The following TIFAB variants were observed in gnomAD, a reference collection of about 807,000 sequenced individuals.
The protein encoded by TIFAB is TRAF-interacting protein with FHA domain-containing protein B.
For synonymous variants in TIFAB, 116 were observed against 95.2 expected (o/e 1.22, Z -1.27); for missense variants, 222 against 203.6 (o/e 1.09, Z -0.55).
At position 135,448,436 on chromosome 5, in the gene TIFAB, C is replaced by G. The variant is rs907526075; in HGVS notation, c.*1018G>C. The G allele has an allele frequency of 6.6e-6, 1 of 152,138 alleles. No individual in the cohort carries two copies. Among genetic ancestry groups the G allele is most frequent in the African/African-American group, 2.4e-5 (1 of 41,358 alleles). The allele number at this position is 152,138 out of a possible 1,614,324, so 9.4% of individuals were successfully genotyped here. On this transcript the variant is annotated 3_prime_UTR_variant, in exon 2 of 2. Coordinates refer to ENST00000537858, the MANE Select transcript of TIFAB (RefSeq NM_001099221.2). ...TGCCCTTGTTCACCGAGAAAATCCT[C>G]CTGCCCTTGGCGTACCTGGCTCCTA...
At position 135,447,161 on chromosome 5, in the gene TIFAB, C is replaced by T; in HGVS notation, c.*2293G>A. ...AGATCACTGCTGCTTTTCATCAGAC[C>T]AAAATACATGTGGCTTCTTCTCCTT... On this transcript the variant is annotated 3_prime_UTR_variant, in exon 2 of 2. Transcript: ENST00000537858. 2 of 1,610,378 alleles carry T rather than the reference C, an allele frequency of 1.2e-6. No individual in the cohort carries two copies. Among genetic ancestry groups the T allele is most frequent in the Non-Finnish European group, 1.7e-6 (2 of 1,177,394 alleles).
In TIFAB at chr5:135,446,619, G is replaced by A. The variant is rs887007106; in HGVS notation, c.*2835C>T. The A allele has an allele frequency of 6.2e-7, 1 of 1,613,934 alleles. No individual in the cohort carries two copies. ...AAAAATGAAGTCTCGGATGGGCAGAGCTTAACTGCCTTAAAAACTTGGTAC... is the reference window on the plus strand; with the variant it reads ...AAAAATGAAGTCTCGGATGGGCAGAACTTAACTGCCTTAAAAACTTGGTAC... On this transcript the variant is annotated 3_prime_UTR_variant, in exon 2 of 2. Transcript: ENST00000537858.
intron 1 of TIFAB, among the ~76,000 whole-genome samples, chr5:135,451,489 T>A (rs1166916974): frequency 1.3e-5 from 2 of 151,148 alleles, no homozygotes; most frequent in African/African-American, 2.4e-5. Context: ...TTTTTTCTTT[T>A]TTTTTTTTTT....
intron 1 of TIFAB, among the ~76,000 whole-genome samples, chr5:135,451,181 C>T (rs1769356988): frequency 6.6e-6 from 1 of 151,548 alleles, no homozygotes; most frequent in Admixed American, 6.7e-5. Flanking sequence ...AATGAGAAGC[C>T]CACACACACA....
At chr5:135,451,254 A>C (rs886855632) in intron 1 of TIFAB, among the ~76,000 whole-genome samples, 9 of 152,190 alleles carry the variant, frequency 5.9e-5, no homozygotes, top group African/African-American at 2.2e-4. Flanking sequence ...TGGGACAGCG[A>C]GCCTGTTGCA....
In TIFAB at chr5:135,446,546, G is replaced by T. The variant is rs866170290; in HGVS notation, c.*2908C>A. The T allele has an allele frequency of 6.2e-7, 1 of 1,614,026 alleles. No homozygotes were observed. Among genetic ancestry groups the T allele is most frequent in the Non-Finnish European group, 8.5e-7 (1 of 1,179,896 alleles). ...ACGGTTCCAGCTGTTAGGAGAAAGT[G>T]AAGGTGGGTGCCATGGATCTGATGA... On this transcript the variant is annotated 3_prime_UTR_variant, in exon 2 of 2. Coordinates refer to ENST00000537858, the MANE Select transcript of TIFAB (RefSeq NM_001099221.2).
rs377116394 is a variant in TIFAB, at chr5:135,446,983, G to A, written c.*2471C>T. The A allele has an allele frequency of 4.3e-6, 7 of 1,613,210 alleles. No individual in the cohort carries two copies. In the South Asian group the frequency reaches 5.5e-5, roughly 13 times the overall value. ...TCCCAAAGTTCTCTGGTGGAGCTGG[G>A]GAGTGGCACCCTGGGAACTCTGGGG... On this transcript the variant is annotated 3_prime_UTR_variant, in exon 2 of 2. Transcript: ENST00000537858.
Position 135,446,745 on chromosome 5 carries a change from G to T in TIFAB, c.*2709C>A, listed in dbSNP as rs764087048. The T allele has an allele frequency of 4.3e-6, 7 of 1,613,946 alleles. No homozygotes were observed. Among genetic ancestry groups the T allele is most frequent in the Non-Finnish European group, 1.7e-6 (2 of 1,179,858 alleles). Reference sequence around the variant, plus strand: ...TTCCGGGCTCCCTCCCGCCTGGTCTGGCCTGTCTTCCTTCTGCTGCTATGC... The same window carrying T: ...TTCCGGGCTCCCTCCCGCCTGGTCTTGCCTGTCTTCCTTCTGCTGCTATGC... On this transcript the variant is annotated 3_prime_UTR_variant, in exon 2 of 2. Transcript: ENST00000537858.
At position 135,446,464 on chromosome 5, in the gene TIFAB, T is replaced by G; in HGVS notation, c.*2990A>C. 6.2e-7 allele frequency: 1 copy of G among 1,613,894 alleles called. No individual in the cohort carries two copies. Among genetic ancestry groups the G allele is most frequent in the Non-Finnish European group, 8.5e-7 (1 of 1,179,796 alleles). ...AACTCACCCGCCTGCTCTGGCTGTC[T>G]GAGCAGGTGAGGGATAGTGATATCA... On this transcript the variant is annotated 3_prime_UTR_variant, in exon 2 of 2. Coordinates refer to ENST00000537858, the MANE Select transcript of TIFAB (RefSeq NM_001099221.2).
rs760625228 is a variant in TIFAB, at chr5:135,446,890, G to T, written c.*2564C>A. 4.0e-5 allele frequency: 65 copies of T among 1,613,718 alleles called. 1 individual carries two copies. The Admixed American group carries it at 1.0e-3, about 26-fold the overall frequency. On this transcript the variant is annotated 3_prime_UTR_variant, in exon 2 of 2. Transcript: ENST00000537858. Reference sequence around the variant, plus strand: ...GCAGGACCCCAGCTGGCAAGGTTTTGTTCCTCCCTGGAGGGTAGAGACCCT... The same window carrying T: ...GCAGGACCCCAGCTGGCAAGGTTTTTTTCCTCCCTGGAGGGTAGAGACCCT...
chr5:135,451,424 C>A (rs1229800494), intron 1 of TIFAB, among the ~76,000 whole-genome samples: 1 of 152,050 alleles, frequency 6.6e-6, no homozygotes, highest in Non-Finnish European at 1.5e-5. Context: ...GGCACAGACA[C>A]ACATATGCCT....
At position 135,446,209 on chromosome 5, in the gene TIFAB, T is replaced by C. The variant is rs768158734; in HGVS notation, c.*3245A>G. On this transcript the variant is annotated 3_prime_UTR_variant, in exon 2 of 2. Transcript: ENST00000537858. ...TGTGGCACGGAGAGATTCAGTTACT[T>C]GTCCAGGATCACAGAACTATAGTAA... 3.1e-5 allele frequency: 25 copies of C among 816,896 alleles called. No individual in the cohort carries two copies. Among genetic ancestry groups the C allele is most frequent in the Non-Finnish European group, 4.7e-5 (25 of 530,834 alleles). The allele number at this position is 816,896 out of a possible 1,614,324, so 50.6% of individuals were successfully genotyped here.
chr5:135,446,317 A>G lies in TIFAB; in HGVS notation c.*3137T>C, dbSNP rs1580654165. The G allele has an allele frequency of 1.3e-6, 2 of 1,535,074 alleles. No homozygotes were observed. The highest frequency in any genetic ancestry group is 4.5e-5 in the East Asian group (2 of 44,088). ...TGGGAGCAGCGTTCATGTGCACTGT[A>G]TGTTCGTGTTTAGTGTATGTCTGTG... is the stretch of plus-strand genomic sequence containing the variant. On this transcript the variant is annotated 3_prime_UTR_variant, in exon 2 of 2. Transcript: ENST00000537858.
rs1481376902 is a variant in TIFAB at position 135,446,539 on chromosome 5, A to G, written c.*2915T>C. ...CAGCCTGACGGTTCCAGCTGTTAGGAGAAAGTGAAGGTGGGTGCCATGGAT... is the reference window on the plus strand; with the variant it reads ...CAGCCTGACGGTTCCAGCTGTTAGGGGAAAGTGAAGGTGGGTGCCATGGAT... On this transcript the variant is annotated 3_prime_UTR_variant, in exon 2 of 2. Transcript: ENST00000537858. 1 of 1,613,960 alleles carries G rather than the reference A, an allele frequency of 6.2e-7. No homozygotes were observed. Among genetic ancestry groups the G allele is most frequent in the Middle Eastern group, 1.6e-4 (1 of 6,062 alleles).
Position 135,447,236 on chromosome 5 carries a change from C to G in TIFAB, c.*2218G>C, listed in dbSNP as rs572234380. The G allele has an allele frequency of 3.5e-6, 4 of 1,139,054 alleles. No individual in the cohort carries two copies. In the African/African-American group the frequency reaches 6.2e-5, roughly 18 times the overall value. The allele number at this position is 1,139,054 out of a possible 1,614,324, so 70.6% of individuals were successfully genotyped here. A position where few individuals can be genotyped will look rare whatever the true frequency, so the allele number is the denominator to read the frequency against. On this transcript the variant is annotated 3_prime_UTR_variant, in exon 2 of 2. Transcript: ENST00000537858. ...ATTATACTAACCCTGCCTATTGGAC[C>G]TTCTGATGCAAGGAGCAGATTAAAA...
chr5:135,451,196 G>A (rs1580657271), intron 1 of TIFAB, among the ~76,000 whole-genome samples: 1 of 152,202 alleles, frequency 6.6e-6, no homozygotes, highest in South Asian at 2.1e-4. Flanking sequence ...CACACACATG[G>A]TGAAATCACC....
chr5:135,449,659 A>G lies in TIFAB; in HGVS notation c.281T>C (p.Leu94Pro). 6.2e-7 allele frequency: 1 copy of G among 1,614,166 alleles called. No homozygotes were observed. The highest frequency in any genetic ancestry group is 8.5e-7 in the Non-Finnish European group (1 of 1,180,036). The change falls in exon 2 of 2, where the codon CTG becomes CCG. Residue 94 changes from leucine (L) to proline (P), a missense_variant. Physicochemically the swap from Leu to Pro is moderately conservative, Grantham distance 98. Coordinates refer to ENST00000537858, the MANE Select transcript of TIFAB (RefSeq NM_001099221.2). The stretch of plus-strand genomic sequence containing the variant: ...GACGGTGCTCAGGGGGACCTGCTCC[A>G]GGTACCTCAGCGTCAGCCCATTGAC... ...VWVNGLTLRY[L>P]EQVPLSTVNR...
chr5:135,445,564 C>T lies in TIFAB; in HGVS notation c.*3890G>A, dbSNP rs907441238. On this transcript the variant is annotated 3_prime_UTR_variant, in exon 2 of 2. Transcript: ENST00000537858. ...TGCTGCCTTGACCACCAGAGCCCCC[C>T]CGTCTGTGCATCTGTCCTCTGTTCA... 2 of 152,522 alleles carry T rather than the reference C, an allele frequency of 1.3e-5. No homozygotes were observed. Among genetic ancestry groups the T allele is most frequent in the African/African-American group, 2.4e-5 (1 of 41,470 alleles). The allele number at this position is 152,522 out of a possible 1,614,324, so 9.4% of individuals were successfully genotyped here.
chr5:135,447,314 G>A lies in TIFAB; in HGVS notation c.*2140C>T, dbSNP rs1447254706. 3 of 641,390 alleles carry A rather than the reference G, an allele frequency of 4.7e-6. No individual in the cohort carries two copies. Among genetic ancestry groups the A allele is most frequent in the African/African-American group, 1.8e-5 (1 of 54,256 alleles). 39.7% of individuals were successfully genotyped at this position (641,390 alleles called of 1,614,324 possible). A position where few individuals can be genotyped will look rare whatever the true frequency, so the allele number is the denominator to read the frequency against. The stretch of plus-strand genomic sequence containing the variant: ...TGGCTACAACTAAATCCCTAGTTGG[G>A]GAATCACAGAGCACAGGTAAGCCCT... On this transcript the variant is annotated 3_prime_UTR_variant, in exon 2 of 2. Coordinates refer to ENST00000537858, the MANE Select transcript of TIFAB (RefSeq NM_001099221.2).
Sources: allele counts gnomAD v4.1 joint callset (sites outside exome capture counted in the v4.1 genomes callset), GRCh38; gene constraint gnomAD v4.1.1; transcripts MANE v1.5; gene names NCBI Gene and HGNC (gene_info 2026-07-23, HGNC 2026-07-21).